HTR4: variants seen among roughly 807,000 people sequenced by gnomAD.
The protein encoded by HTR4 is 5-hydroxytryptamine receptor 4.
HTR4 carries 16 observed loss-of-function variants against 36.8 expected under a neutral mutation model. The observed-to-expected ratio is 0.43, with a 90% CI of 0.29 to 0.66. The LOEUF is 0.66. Ranked by LOEUF, HTR4 falls within the 30% of genes least tolerant of loss-of-function variation. The pLI, the probability that HTR4 is intolerant of heterozygous loss-of-function variation, is 0.13. For synonymous variants in HTR4, 189 were observed against 185.1 expected (o/e 1.02, Z -0.17); for missense variants, 438 against 490.9 (o/e 0.89, Z 1.02).
chr5:148,536,752 A>T (rs903466503), intron 4 of HTR4, among the ~76,000 whole-genome samples: 1 of 152,200 alleles, frequency 6.6e-6, no homozygotes, highest in Non-Finnish European at 1.5e-5. Context: ...GTTCTTAGAG[A>T]CCTACAAAGA....
chr5:148,457,809 T>C (rs1755138660), intron 5 of HTR4, among the ~76,000 whole-genome samples: 1 of 109,948 alleles, frequency 9.1e-6, no homozygotes, highest in African/African-American at 4.0e-5. Flanking sequence ...ATATCATATA[T>C]TTTGATATAT....
In HTR4 at chr5:148,594,690, G is replaced by A. The variant is rs76218782; in HGVS notation, c.26+42299C>T. Among the ~76,000 whole-genome samples, 768 of 152,134 alleles carry A rather than the reference G, an allele frequency of 5.0e-3. 7 individuals carry two copies. The highest frequency in any genetic ancestry group is 0.017 in the African/African-American group (701 of 41,492). On this transcript the variant is annotated intron_variant, in intron 2 of 6. Coordinates refer to ENST00000377888, the MANE Select transcript of HTR4 (RefSeq NM_000870.7). ...TAAGTTTAAAAATCACTGATCTACC[G>A]CAACCCAGTCACTGTTCAAATGAAA...
intron 6 of HTR4, among the ~76,000 whole-genome samples, chr5:148,503,285 A>C (rs190116348): frequency 6.6e-6 from 1 of 152,172 alleles, no homozygotes; most frequent in Non-Finnish European, 1.5e-5. Context: ...CAGACTAACA[A>C]TGGATCTCTC....
In HTR4 at chr5:148,559,642, G is replaced by A. The variant is rs116124080; in HGVS notation, c.27-9380C>T. Among the ~76,000 whole-genome samples, 858 of 152,136 alleles carry A rather than the reference G, an allele frequency of 5.6e-3. 9 individuals are homozygous for A. The highest frequency in any genetic ancestry group is 0.02 in the African/African-American group (826 of 41,528). On this transcript the variant is annotated intron_variant, in intron 2 of 6. Coordinates refer to ENST00000377888, the MANE Select transcript of HTR4 (RefSeq NM_000870.7). ...CATGTGTAACAATAAAACTCCGATG[G>A]ACAATCTCTGGCAGCCAGCCCAGAA...
exon 6 of HTR4, chr5:148,451,226 G>A: frequency 6.2e-7 from 1 of 1,613,882 alleles, no homozygotes; most frequent in Non-Finnish European, 8.5e-7. Context: ...TTGTGTATGG[G>A]CAGTTTCTCG....
At chr5:148,573,382 T>A (rs1006440778) in intron 2 of HTR4, among the ~76,000 whole-genome samples, 20 of 152,056 alleles carry the variant, frequency 1.3e-4, no homozygotes, top group African/African-American at 4.3e-4. Context: ...TACATGTCTG[T>A]GTGCATTGTC....
At chr5:148,562,495 G>A (rs1221500537) in intron 2 of HTR4, among the ~76,000 whole-genome samples, 1 of 151,992 alleles carries the variant, frequency 6.6e-6, no homozygotes, top group Admixed American at 6.6e-5. Flanking sequence ...CTTTACCTAG[G>A]TCATTATCTA....
At chr5:148,620,213 T>C (rs375169282) in intron 2 of HTR4, among the ~76,000 whole-genome samples, 3 of 152,200 alleles carry the variant, frequency 2.0e-5, no homozygotes, top group Admixed American at 1.3e-4. Context: ...GGTTGAACCA[T>C]CTGTGCTGAC....
chr5:148,621,390 T>C (rs569506108), intron 2 of HTR4, among the ~76,000 whole-genome samples: 1 of 152,290 alleles, frequency 6.6e-6, no homozygotes, highest in Admixed American at 6.5e-5. Context: ...CTTCTGCTCT[T>C]TTCCAACCCT....
chr5:148,481,837 C>T lies in HTR4; in HGVS notation c.*1366G>A. 7.6e-7 allele frequency: 1 copy of T among 1,318,794 alleles called. No homozygotes were observed. Among genetic ancestry groups the T allele is most frequent in the Non-Finnish European group, 9.6e-7 (1 of 1,040,372 alleles). The allele number at this position is 1,318,794 out of a possible 1,614,324, so 81.7% of individuals were successfully genotyped here. A position where few individuals can be genotyped will look rare whatever the true frequency, so the allele number is the denominator to read the frequency against. On this transcript the variant is annotated 3_prime_UTR_variant, in exon 7 of 7. Transcript: ENST00000377888. ...CACTGACTCAGCTTTGAATAAAAGA[C>T]ATCCAGATTAATCTGAAGGACAAAG...
intron 2 of HTR4, among the ~76,000 whole-genome samples, chr5:148,566,846 G>T (rs1760460895): frequency 6.6e-6 from 1 of 151,264 alleles, no homozygotes. Context: ...ATCCAAAATG[G>T]TTATCTCTAG....
chr5:148,458,007 T>C (rs1755155797), intron 5 of HTR4, among the ~76,000 whole-genome samples: 1 of 138,084 alleles, frequency 7.2e-6, no homozygotes, highest in Non-Finnish European at 1.5e-5. Context: ...TCTTAAGATA[T>C]ATTAAATATT....
intron 2 of HTR4, among the ~76,000 whole-genome samples, chr5:148,554,748 C>T (rs1479980083): frequency 6.6e-6 from 1 of 152,036 alleles, no homozygotes; most frequent in East Asian, 1.9e-4. Flanking sequence ...TTTCATCATC[C>T]ATATAATAAG....
chr5:148,511,445 T>C (rs543468860), intron 5 of HTR4, among the ~76,000 whole-genome samples: 2 of 152,288 alleles, frequency 1.3e-5, no homozygotes, highest in East Asian at 3.9e-4. Context: ...TTCTTTAATA[T>C]TGTATCACTC....
chr5:148,602,654 T>A (rs1349832452), intron 2 of HTR4, among the ~76,000 whole-genome samples: 2 of 152,146 alleles, frequency 1.3e-5, no homozygotes, highest in Admixed American at 6.5e-5. Context: ...GCTAAGCAGA[T>A]GTTAATTAAA....
chr5:148,642,280 C>T (rs1006319052), intron 1 of HTR4, among the ~76,000 whole-genome samples: 1 of 152,110 alleles, frequency 6.6e-6, no homozygotes, highest in African/African-American at 2.4e-5. Context: ...AGGCCCTCCA[C>T]CTGACCCTGC....
chr5:148,483,093 G>C lies in HTR4; in HGVS notation c.*110C>G, dbSNP rs1262085434. ...GCACCGGGTTCCTGCACTGGCGGAC[G>C]GAAAGCCTCAGGTGAAGAGAATACC... is the stretch of plus-strand genomic sequence containing the variant. On this transcript the variant is annotated 3_prime_UTR_variant, in exon 7 of 7. Transcript: ENST00000377888. 3.9e-6 allele frequency: 6 copies of C among 1,531,018 alleles called. No individual in the cohort carries two copies. Among genetic ancestry groups the C allele is most frequent in the East Asian group, 4.8e-5 (2 of 41,750 alleles). The allele number at this position is 1,531,018 out of a possible 1,614,324, so 94.8% of individuals were successfully genotyped here.
intron 2 of HTR4, among the ~76,000 whole-genome samples, chr5:148,592,191 A>T (rs988200652): frequency 2.6e-5 from 4 of 152,142 alleles, no homozygotes; most frequent in African/African-American, 4.8e-5. Flanking sequence ...ATAACTACTT[A>T]TGAATACAAA....
chr5:148,580,028 A>AGTAT (rs1332193771), intron 2 of HTR4, among the ~76,000 whole-genome samples: 3 of 151,968 alleles, frequency 2.0e-5, no homozygotes, highest in Non-Finnish European at 4.4e-5. Flanking sequence ...AAGGAGAAGG[A>AGTAT]GTATGTATGT....
Sources: gnomAD v4.1 joint callset for allele counts (sites outside exome capture counted in the v4.1 genomes callset) on GRCh38, gnomAD v4.1.1 for gene constraint, MANE v1.5 for transcripts, NCBI Gene and HGNC (gene_info 2026-07-23, HGNC 2026-07-21) for gene names.